NEGR1: variants seen among roughly 807,000 people sequenced by gnomAD.
NEGR1 encodes neuronal growth regulator 1, also known as IgLON family member 4.
A neutral mutation model predicts 40.9 loss-of-function variants in NEGR1; 10 were observed. That is an observed-to-expected ratio of 0.24 (90% CI 0.15 to 0.42). The LOEUF is 0.42. Ranked by LOEUF, NEGR1 falls within the 10% of genes least tolerant of loss-of-function variation. NEGR1 has a pLI of 1.00. For synonymous variants in NEGR1, 185 were observed against 166.8 expected (o/e 1.11, Z -0.84); for missense variants, 352 against 438.9 (o/e 0.80, Z 1.77).
At chr1:72,197,284 T>C (rs1156845707) in intron 1 of NEGR1, among the ~76,000 whole-genome samples, 1 of 152,064 alleles carries the variant, frequency 6.6e-6, no homozygotes, top group Non-Finnish European at 1.5e-5. Flanking sequence ...ATCGGAACAC[T>C]GCTTAGATGC....
chr1:72,083,039 A>G (rs910310631), intron 1 of NEGR1, among the ~76,000 whole-genome samples: 7 of 152,162 alleles, frequency 4.6e-5, no homozygotes, highest in Admixed American at 1.3e-4. Context: ...TTCTTTTTAA[A>G]AGGTGACCTG....
In NEGR1 at chr1:72,128,105, T is replaced by C. The variant is rs1364781957; in HGVS notation, c.176+154214A>G. 2.0e-5 allele frequency among the ~76,000 whole-genome samples: 3 copies of C among 152,124 alleles called. 1 individual carries two copies. The highest frequency in any genetic ancestry group is 4.1e-4 in the South Asian group (2 of 4,828). On this transcript the variant is annotated intron_variant, in intron 1 of 6. Transcript: ENST00000357731. ...TAATCTGACCTTAAAATTATCTGGA[T>C]AAAAATCATATTGCCTTTGATGACC...
rs933755063 is a variant in NEGR1 at position 71,910,859 on chromosome 1, G to A, written c.409+24220C>T. On this transcript the variant is annotated intron_variant, in intron 2 of 6. Coordinates refer to ENST00000357731, the MANE Select transcript of NEGR1 (RefSeq NM_173808.3). ...ACTATGGGCACACACTACAAAGCCTGGCTAATTATCTTATTTTTTGTAGAG... is the reference window on the plus strand; with the variant it reads ...ACTATGGGCACACACTACAAAGCCTAGCTAATTATCTTATTTTTTGTAGAG... Among the ~76,000 whole-genome samples, 3 of 151,992 alleles carry A rather than the reference G, an allele frequency of 2.0e-5. No individual in the cohort carries two copies. The East Asian group carries it at 5.8e-4, about 30-fold the overall frequency.
At chr1:71,485,475 G>C (rs529948982) in intron 6 of NEGR1, among the ~76,000 whole-genome samples, 1 of 151,394 alleles carries the variant, frequency 6.6e-6, no homozygotes, top group Non-Finnish European at 1.5e-5. Context: ...ATTAGGGTTC[G>C]CTCTTGGTAT....
At chr1:71,408,105 A>AGACAAATTG (rs1174464315) in intron 6 of NEGR1, among the ~76,000 whole-genome samples, 1 of 152,100 alleles carries the variant, frequency 6.6e-6, no homozygotes, top group Non-Finnish European at 1.5e-5. Flanking sequence ...CCAGTAACAC[A>AGACAAATTG]GACAAATTGT....
At chr1:72,128,660 C>G (rs978441215) in intron 1 of NEGR1, among the ~76,000 whole-genome samples, 1 of 151,972 alleles carries the variant, frequency 6.6e-6, no homozygotes, top group African/African-American at 2.4e-5. Context: ...TAATATTACT[C>G]TAAATTCACT....
At chr1:71,793,218 TC>T (rs1657179774) in intron 2 of NEGR1, among the ~76,000 whole-genome samples, 1 of 3,910 alleles carries the variant, frequency 2.6e-4, no homozygotes, top group Admixed American at 1.6e-3. Context: ...TCTTGCTCTG[TC>T]GCCCAGGCTG....
chr1:71,949,178 G>A lies in NEGR1; in HGVS notation c.177-13867C>T, dbSNP rs376230428. On this transcript the variant is annotated intron_variant, in intron 1 of 6. Transcript: ENST00000357731. ...TTCTTTAAAATGGGGATATGAATAC[G>A]CACTTGAAAGGGCTATTTTGTGAGA... is the stretch of plus-strand genomic sequence containing the variant. Among the ~76,000 whole-genome samples the A allele has an allele frequency of 1.4e-4, 21 of 152,182 alleles. No homozygotes were observed. The East Asian group carries it at 1.5e-3, about 11-fold the overall frequency.
chr1:71,630,333 G>A (rs1416823544), intron 4 of NEGR1, among the ~76,000 whole-genome samples: 1 of 151,918 alleles, frequency 6.6e-6, no homozygotes, highest in East Asian at 1.9e-4. Flanking sequence ...CCTGAACAAT[G>A]TTAGAAGCAA....
rs545237201 is a variant in NEGR1, at chr1:71,631,807, A to G, written c.668-20661T>C. ...TAACCTTCAGTGGACAAAAGAGGATATGAAAGACAAAGATCATACAAGAAT... is the reference window on the plus strand; with the variant it reads ...TAACCTTCAGTGGACAAAAGAGGATGTGAAAGACAAAGATCATACAAGAAT... On this transcript the variant is annotated intron_variant, in intron 4 of 6. Coordinates refer to ENST00000357731, the MANE Select transcript of NEGR1 (RefSeq NM_173808.3). Among the ~76,000 whole-genome samples the G allele has an allele frequency of 5.9e-5, 9 of 151,964 alleles. No individual in the cohort carries two copies. In the South Asian group the frequency reaches 1.9e-3, roughly 31 times the overall value.
chr1:72,135,269 G>A (rs1183812725), intron 1 of NEGR1, among the ~76,000 whole-genome samples: 3 of 149,558 alleles, frequency 2.0e-5, no homozygotes, highest in South Asian at 2.1e-4. Context: ...CCAGCTACTC[G>A]GGAGGCTGAG....
intron 2 of NEGR1, among the ~76,000 whole-genome samples, chr1:71,827,587 T>C (rs982888601): frequency 3.0e-4 from 45 of 152,060 alleles, no homozygotes; most frequent in Admixed American, 5.2e-4. Flanking sequence ...TCATGTTTTT[T>C]ATTATTGTTC....
intron 5 of NEGR1, among the ~76,000 whole-genome samples, chr1:71,594,709 C>T (rs1240734574): frequency 6.6e-6 from 1 of 152,098 alleles, no homozygotes; most frequent in Non-Finnish European, 1.5e-5. Context: ...GCTAAATTCC[C>T]CTAGTCATTA....
intron 2 of NEGR1, among the ~76,000 whole-genome samples, chr1:71,866,432 C>A (rs1003013759): frequency 1.3e-5 from 2 of 152,136 alleles, no homozygotes; most frequent in African/African-American, 4.8e-5. Flanking sequence ...ACTTTCCCAA[C>A]CATTTAATTC....
chr1:71,482,213 T>C (rs1646858262), intron 6 of NEGR1, among the ~76,000 whole-genome samples: 1 of 151,870 alleles, frequency 6.6e-6, no homozygotes, highest in South Asian at 2.1e-4. Flanking sequence ...TAGCTATTCA[T>C]CTTTGTTGTT....
At chr1:71,582,513 T>A (rs1420699168) in intron 6 of NEGR1, among the ~76,000 whole-genome samples, 1 of 152,204 alleles carries the variant, frequency 6.6e-6, no homozygotes, top group Non-Finnish European at 1.5e-5. Flanking sequence ...TTTTGCCTTA[T>A]TTTTTCTCAT....
chr1:71,679,122 T>C (rs1457266466), intron 4 of NEGR1, among the ~76,000 whole-genome samples: 1 of 152,144 alleles, frequency 6.6e-6, no homozygotes, highest in Non-Finnish European at 1.5e-5. Context: ...GTCTCTCTAT[T>C]GCTCTATTTA....
chr1:72,162,763 A>G (rs1651623357), intron 1 of NEGR1, among the ~76,000 whole-genome samples: 1 of 152,216 alleles, frequency 6.6e-6, no homozygotes, highest in South Asian at 2.1e-4. Flanking sequence ...CTTGGACATA[A>G]GAACAATCAT....
chr1:71,871,755 GT>G (rs1221254795), intron 2 of NEGR1, among the ~76,000 whole-genome samples: 1 of 151,392 alleles, frequency 6.6e-6, no homozygotes, highest in Non-Finnish European at 1.5e-5. Context: ...CAGATATATT[GT>G]TTTTTTATTT....
Sources: gnomAD v4.1 joint callset for allele counts (sites outside exome capture counted in the v4.1 genomes callset) on GRCh38, gnomAD v4.1.1 for gene constraint, MANE v1.5 for transcripts, NCBI Gene and HGNC (gene_info 2026-07-23, HGNC 2026-07-21) for gene names.